TMC1: variants seen among roughly 807,000 people sequenced by gnomAD.
TMC1 encodes the protein transmembrane channel like 1, also known as transmembrane channel-like protein 1.
A neutral mutation model predicts 105.8 loss-of-function variants in TMC1; 84 were observed. The observed-to-expected ratio is 0.79, with a 90% CI of 0.67 to 0.95. The LOEUF (loss-of-function observed/expected upper bound fraction) is 0.95, where lower values mean the gene tolerates loss of function less well. Among genes scored for constraint, TMC1 ranks in the 40% least tolerant of loss-of-function variants. TMC1 has a pLI of 0.00. For missense variants in TMC1, 817 were observed against 914.1 expected, an observed-to-expected ratio of 0.89 and a Z score of 1.37; for synonymous variants, 315 against 311.5, an observed-to-expected ratio of 1.01 and a Z score of -0.12.
intron 4 of TMC1, 105 bp from the exon 5 acceptor site, chr9:72,648,492 A>T: frequency 1.4e-6 from 1 of 715,304 alleles, no homozygotes; most frequent in Non-Finnish European, 2.5e-6. Context: ...GTACCTTCTT[A>T]AGTTTCAGAT....
chr9:72,725,325 GTATATATATATATATATATATA>G (rs57562145), intron 8 of TMC1, among the ~76,000 whole-genome samples: 24 of 77,682 alleles, frequency 3.1e-4, no homozygotes, highest in Middle Eastern at 0.013. Flanking sequence ...ATGTGTGTAT[GTATATATATATATATATATATA>G]TATATATATA....
At chr9:72,742,214 A>G (rs1827400061) in intron 9 of TMC1, among the ~76,000 whole-genome samples, 1 of 152,168 alleles carries the variant, frequency 6.6e-6, no homozygotes, top group African/African-American at 2.4e-5. Flanking sequence ...CATATTTTCC[A>G]TAAAACAGGG....
chr9:72,593,075 T>C (rs1824663656), intron 2 of TMC1, among the ~76,000 whole-genome samples: 1 of 152,206 alleles, frequency 6.6e-6, no homozygotes, highest in African/African-American at 2.4e-5. Context: ...AGATAGAATT[T>C]CTTTTGAAAT....
intron 2 of TMC1, among the ~76,000 whole-genome samples, chr9:72,591,622 A>G (rs758808994): frequency 7.9e-5 from 12 of 152,208 alleles, no homozygotes; most frequent in Admixed American, 6.5e-5. Flanking sequence ...GTGCAGTGGT[A>G]TAATCATAGC....
chr9:72,807,795 GC>G (rs1296814428), intron 18 of TMC1, among the ~76,000 whole-genome samples: 1 of 152,212 alleles, frequency 6.6e-6, no homozygotes, highest in African/African-American at 2.4e-5. Flanking sequence ...TTCAAGGAAG[GC>G]CTAGTTTGCT....
chr9:72,685,118 T>TTA (rs1235981168), intron 5 of TMC1, among the ~76,000 whole-genome samples: 1 of 145,288 alleles, frequency 6.9e-6, no homozygotes, highest in African/African-American at 2.6e-5. Context: ...TTTTTTTTTT[T>TTA]TTTTTTGAGA....
intron 1 of TMC1, among the ~76,000 whole-genome samples, chr9:72,536,991 C>A (rs1823596374): frequency 6.6e-6 from 1 of 152,220 alleles, no homozygotes; most frequent in South Asian, 2.1e-4. Context: ...TAGGTGGAAG[C>A]TGCCAAGCCT....
intron 2 of TMC1, among the ~76,000 whole-genome samples, chr9:72,607,002 T>TATATAGAGAGAGAGAGAGAGAGAG (rs372785242): frequency 1.7e-4 from 23 of 134,962 alleles, no homozygotes; most frequent in Middle Eastern, 3.9e-3. Flanking sequence ...TATATATATA[T>TATATAGAGAGAGAGAGAGAGAGAG]AGAGAGAGAG....
intron 1 of TMC1, among the ~76,000 whole-genome samples, chr9:72,561,654 A>G (rs1158311643): frequency 1.3e-5 from 2 of 152,182 alleles, no homozygotes; most frequent in African/African-American, 4.8e-5. Flanking sequence ...TCTTAGAGCA[A>G]GTTGGTCTGA....
rs544588975 is a variant in TMC1, at chr9:72,739,086, A to G, written c.363-1033A>G. Among the ~76,000 whole-genome samples, 6 of 152,350 alleles carry G rather than the reference A, an allele frequency of 3.9e-5. No homozygotes were observed. The South Asian group carries it at 1.0e-3, about 26-fold the overall frequency. On this transcript the variant is annotated intron_variant, in intron 8 of 23. Transcript: ENST00000297784. ...GGCCATAGACCGGGTGGCTTAAACA[A>G]CAGCCATTTATTTCTCACAGTGCTA...
At chr9:72,629,970 A>C (rs995146806) in intron 4 of TMC1, among the ~76,000 whole-genome samples, 6 of 151,944 alleles carry the variant, frequency 3.9e-5, no homozygotes, top group Non-Finnish European at 1.5e-5. Context: ...GGTTCAAGCA[A>C]TTCTCCTGCC....
At chr9:72,735,438 G>A (rs1430483358) in intron 8 of TMC1, among the ~76,000 whole-genome samples, 1 of 152,120 alleles carries the variant, frequency 6.6e-6, no homozygotes, top group East Asian at 1.9e-4. Context: ...ATGTAAAGAT[G>A]TTTTCTTGCA....
chr9:72,614,220 C>A (rs1395564781), intron 2 of TMC1, among the ~76,000 whole-genome samples: 1 of 152,134 alleles, frequency 6.6e-6, no homozygotes, highest in Non-Finnish European at 1.5e-5. Flanking sequence ...AACAATGACA[C>A]ATGGAGGTCA....
At chr9:72,627,661 T>C (rs1825372046) in intron 3 of TMC1, among the ~76,000 whole-genome samples, 2 of 151,460 alleles carry the variant, frequency 1.3e-5, no homozygotes, top group Admixed American at 1.3e-4. Flanking sequence ...CAAATGTCAC[T>C]TCCAAATGAG....
At chr9:72,655,127 A>G (rs1387448335) in intron 5 of TMC1, among the ~76,000 whole-genome samples, 1 of 152,050 alleles carries the variant, frequency 6.6e-6, no homozygotes, top group African/African-American at 2.4e-5. Context: ...ATGAGATCCG[A>G]TGGTTTTATA....
chr9:72,549,444 T>G (rs1375874417), intron 1 of TMC1, among the ~76,000 whole-genome samples: 1 of 146,022 alleles, frequency 6.8e-6, no homozygotes, highest in African/African-American at 2.6e-5. Flanking sequence ...ATTTTATGTG[T>G]TTTTTTTTTC....
At chr9:72,804,841 AT>A (rs1828542892) in intron 17 of TMC1, among the ~76,000 whole-genome samples, 3 of 152,258 alleles carry the variant, frequency 2.0e-5, no homozygotes, top group Admixed American at 1.3e-4. Context: ...TTTCATTTGT[AT>A]TTTTATTATG....
intron 2 of TMC1, among the ~76,000 whole-genome samples, chr9:72,601,195 G>GACACAC (rs71357599): frequency 2.1e-3 from 199 of 93,688 alleles, no homozygotes; most frequent in African/African-American, 6.3e-3. Flanking sequence ...CACACACACA[G>GACACAC]ACACACACAC....
intron 6 of TMC1, among the ~76,000 whole-genome samples, chr9:72,690,732 G>A (rs1303284807): frequency 6.6e-6 from 1 of 151,984 alleles, no homozygotes; most frequent in Non-Finnish European, 1.5e-5. Context: ...TTGCTTTTCT[G>A]TTTCTTTCAA....
Sources: gnomAD v4.1 joint callset for allele counts (sites outside exome capture counted in the v4.1 genomes callset) on GRCh38, gnomAD v4.1.1 for gene constraint, MANE v1.5 for transcripts, NCBI Gene and HGNC (gene_info 2026-07-23, HGNC 2026-07-21) for gene names.